Variants in DLGAP2 observed in about 807,000 individuals in gnomAD.
DLGAP2 encodes DLG associated protein 2.
DLGAP2 carries 26 observed loss-of-function variants against 100.3 expected under a neutral mutation model. The ratio of observed to expected loss-of-function variants is 0.26; its 90% CI spans 0.19 to 0.36. The LOEUF is 0.36. Among genes scored for constraint, DLGAP2 ranks in the 10% least tolerant of loss-of-function variants. DLGAP2 has a pLI of 1.00. For missense variants in DLGAP2, 1,858 were observed against 1,453.2 expected, an observed-to-expected ratio of 1.28 and a Z score of -4.53; for synonymous variants, 886 against 630.1, an observed-to-expected ratio of 1.41 and a Z score of -6.08.
At chr8:848,765 C>A (rs1400552959) in intron 1 of DLGAP2, among the ~76,000 whole-genome samples, 3 of 145,424 alleles carry the variant, frequency 2.1e-5, no homozygotes, top group African/African-American at 7.7e-5. Flanking sequence ...TCGTGCGGTG[C>A]GTGTTCCAGT....
chr8:906,315 C>T (rs909007909), intron 1 of DLGAP2, among the ~76,000 whole-genome samples: 3 of 152,306 alleles, frequency 2.0e-5, no homozygotes, highest in South Asian at 4.1e-4. Context: ...CCTGTGGAAA[C>T]GTGTGTCTCT....
At chr8:1,235,228 CATGTCTA>C (rs1306690159) in intron 2 of DLGAP2, among the ~76,000 whole-genome samples, 1 of 98,518 alleles carries the variant, frequency 1.0e-5, no homozygotes, top group Non-Finnish European at 2.1e-5. Context: ...TCACACATGG[CATGTCTA>C]GTTCTCTCAC....
intron 5 of DLGAP2, among the ~76,000 whole-genome samples, chr8:1,558,659 A>G (rs1802054323): frequency 6.6e-6 from 1 of 151,758 alleles, no homozygotes; most frequent in Non-Finnish European, 1.5e-5. Context: ...AAACACACAT[A>G]TGCACATAGG....
chr8:975,493 C>G (rs757408648), intron 2 of DLGAP2, among the ~76,000 whole-genome samples: 2 of 152,084 alleles, frequency 1.3e-5, no homozygotes, highest in South Asian at 2.1e-4. Context: ...ATGTGGAGAT[C>G]CTCAGCAAAG....
At chr8:1,545,393 T>C (rs1801499535) in intron 4 of DLGAP2, among the ~76,000 whole-genome samples, 1 of 152,210 alleles carries the variant, frequency 6.6e-6, no homozygotes, top group Admixed American at 6.5e-5. Context: ...CAGTAAGACG[T>C]GCATTTACAT....
intron 1 of DLGAP2, among the ~76,000 whole-genome samples, chr8:799,292 C>A (rs1345992333): frequency 1.3e-5 from 2 of 152,160 alleles, no homozygotes; most frequent in African/African-American, 4.8e-5. Flanking sequence ...TACAGTTTCA[C>A]TGGCAGAGGC....
chr8:1,232,836 G>T (rs1005789150), intron 2 of DLGAP2, among the ~76,000 whole-genome samples: 1 of 152,190 alleles, frequency 6.6e-6, no homozygotes, highest in Non-Finnish European at 1.5e-5. Context: ...TGAAGTGTGC[G>T]AGCCAGTGGC....
intron 1 of DLGAP2, among the ~76,000 whole-genome samples, chr8:889,821 C>T (rs769641413): frequency 6.6e-6 from 1 of 152,208 alleles, no homozygotes; most frequent in African/African-American, 2.4e-5. Context: ...TAGGCTTAAG[C>T]AGATTCCATC....
chr8:771,431 G>C (rs943641773), intron 1 of DLGAP2, among the ~76,000 whole-genome samples: 2 of 152,198 alleles, frequency 1.3e-5, no homozygotes, highest in African/African-American at 2.4e-5. Flanking sequence ...TTTCCTAAAA[G>C]GGTTTTATCC....
chr8:1,261,190 G>A (rs1489147146), intron 3 of DLGAP2, among the ~76,000 whole-genome samples: 2 of 151,734 alleles, frequency 1.3e-5, no homozygotes, highest in Admixed American at 1.3e-4. Context: ...GGGAGGGCAG[G>A]TCAGCTTCCA....
chr8:1,507,807 T>C (rs115637285), intron 4 of DLGAP2, among the ~76,000 whole-genome samples: 4,821 of 45,082 alleles, frequency 0.11, 136 homozygotes, highest in African/African-American at 0.23. Context: ...CCACCCTCCC[T>C]CCACCCACCA....
chr8:883,645 C>T lies in DLGAP2; in HGVS notation c.19-24267C>T, dbSNP rs865852090. ...GTTCGTTACGTAGGAGCGCGGGTGC[C>T]GCGGCGGTTCGTTACGTAGGTGCGC... On this transcript the variant is annotated intron_variant, in intron 1 of 14. Coordinates refer to ENST00000637795, the MANE Select transcript of DLGAP2 (RefSeq NM_001346810.2). 6.7e-5 allele frequency among the ~76,000 whole-genome samples: 10 copies of T among 148,572 alleles called. No homozygotes were observed. In the South Asian group the frequency reaches 8.6e-4, roughly 13 times the overall value.
intron 2 of DLGAP2, among the ~76,000 whole-genome samples, chr8:972,620 T>TTTTTTTC (rs1340774117): frequency 2.7e-5 from 4 of 146,796 alleles, no homozygotes; most frequent in African/African-American, 7.6e-5. Flanking sequence ...TTTTTTCTTA[T>TTTTTTTC]TTATTTATTT....
chr8:1,664,375 C>G (rs1349658412), intron 8 of DLGAP2, among the ~76,000 whole-genome samples: 3 of 151,810 alleles, frequency 2.0e-5, no homozygotes, highest in African/African-American at 7.3e-5. Context: ...GCCAGGCTCA[C>G]CCCCAGGAAG....
intron 3 of DLGAP2, among the ~76,000 whole-genome samples, chr8:1,421,471 C>T (rs1029208741): frequency 6.6e-6 from 1 of 152,154 alleles, no homozygotes; most frequent in Non-Finnish European, 1.5e-5. Context: ...TCTGAAAATG[C>T]ATAGAATCAC....
intron 4 of DLGAP2, among the ~76,000 whole-genome samples, chr8:1,506,596 A>G (rs748601160): frequency 1.4e-4 from 21 of 152,156 alleles, no homozygotes; most frequent in Non-Finnish European, 2.5e-4. Flanking sequence ...ACTGCCCAAG[A>G]CGATCTCAGC....
At chr8:1,066,567 G>A (rs1803260373) in intron 2 of DLGAP2, among the ~76,000 whole-genome samples, 1 of 150,352 alleles carries the variant, frequency 6.7e-6, no homozygotes, top group African/African-American at 2.5e-5. Context: ...GGTCAGGTCT[G>A]AGTGAGGGCA....
At chr8:938,119 G>T (rs1584905374) in intron 2 of DLGAP2, among the ~76,000 whole-genome samples, 1 of 152,190 alleles carries the variant, frequency 6.6e-6, no homozygotes, top group Non-Finnish European at 1.5e-5. Context: ...CAAACGTGCA[G>T]TGTGAGCTGC....
At chr8:1,520,752 C>T (rs1296223217) in intron 4 of DLGAP2, among the ~76,000 whole-genome samples, 8 of 152,154 alleles carry the variant, frequency 5.3e-5, no homozygotes, top group South Asian at 2.1e-4. Flanking sequence ...CCTGATGTAA[C>T]GGTTTACTCA....
Sources: allele counts gnomAD v4.1 joint callset (sites outside exome capture counted in the v4.1 genomes callset), GRCh38; gene constraint gnomAD v4.1.1; transcripts MANE v1.5; gene names NCBI Gene and HGNC (gene_info 2026-07-23, HGNC 2026-07-21).